Variants in FGF12 observed in about 807,000 individuals in gnomAD.
The protein encoded by FGF12 is fibroblast growth factor 12.
Under a neutral mutation model 23.6 loss-of-function variants are expected in FGF12, and 14 were observed. The ratio of observed to expected loss-of-function variants is 0.59; its 90% CI spans 0.39 to 0.93. FGF12 has a LOEUF of 0.93. Ranked by LOEUF, FGF12 falls within the 40% of genes least tolerant of loss-of-function variation. FGF12 has a pLI of 0.00. For synonymous variants in FGF12, 62 were observed against 77.3 expected (o/e 0.80, Z 1.04); for missense variants, 175 against 217.8 (o/e 0.80, Z 1.24).
rs572903871 is a variant in FGF12, at chr3:192,357,585, C to A, written c.124+2843G>T. On this transcript the variant is annotated intron_variant, in intron 3 of 5. Coordinates refer to ENST00000445105, the MANE Select transcript of FGF12 (RefSeq NM_004113.6). ...CGAGATTCCGTCTCAAAAAAAAAAACAAACAACTTTTCTACATATTGACGG... is the reference window on the plus strand; with the variant it reads ...CGAGATTCCGTCTCAAAAAAAAAAAAAAACAACTTTTCTACATATTGACGG... Among the ~76,000 whole-genome samples the A allele has an allele frequency of 8.6e-5, 13 of 150,530 alleles. No homozygotes were observed. In the South Asian group the frequency reaches 2.7e-3, roughly 32 times the overall value.
intron 2 of FGF12, among the ~76,000 whole-genome samples, chr3:192,451,878 A>G (rs775774152): frequency 2.6e-5 from 4 of 152,222 alleles, no homozygotes; most frequent in African/African-American, 4.8e-5. Flanking sequence ...TGCTATAAAC[A>G]TTCTTACATG....
At chr3:192,524,264 C>T (rs1201100778) in intron 2 of FGF12, among the ~76,000 whole-genome samples, 1 of 152,146 alleles carries the variant, frequency 6.6e-6, no homozygotes, top group African/African-American at 2.4e-5. Flanking sequence ...GGCATTTTTC[C>T]TTTCCCTGGA....
intron 2 of FGF12, among the ~76,000 whole-genome samples, chr3:192,614,220 G>A (rs1714662668): frequency 6.6e-6 from 1 of 151,318 alleles, no homozygotes; most frequent in Admixed American, 6.6e-5. Context: ...TTTTTCCTAA[G>A]GGTCAACATT....
intron 2 of FGF12, among the ~76,000 whole-genome samples, chr3:192,406,511 C>T (rs1720963473): frequency 6.6e-6 from 1 of 152,074 alleles, no homozygotes; most frequent in South Asian, 2.1e-4. Context: ...ATTTTATTTT[C>T]CACTAGGTGA....
At chr3:192,328,793 C>G (rs1056878462) in intron 4 of FGF12, among the ~76,000 whole-genome samples, 1 of 152,192 alleles carries the variant, frequency 6.6e-6, no homozygotes, top group Non-Finnish European at 1.5e-5. Context: ...TAAGAGCAAA[C>G]TATAACAAGA....
At chr3:192,236,338 T>A (rs1719297291) in intron 4 of FGF12, among the ~76,000 whole-genome samples, 2 of 152,166 alleles carry the variant, frequency 1.3e-5, no homozygotes, top group African/African-American at 4.8e-5. Context: ...CATTCTGTTG[T>A]TGTTAGATAC....
At chr3:192,577,620 T>C (rs1373404472) in intron 2 of FGF12, among the ~76,000 whole-genome samples, 1 of 152,234 alleles carries the variant, frequency 6.6e-6, no homozygotes, top group African/African-American at 2.4e-5. Context: ...TCACTAAAAT[T>C]TAGGAATCTT....
intron 5 of FGF12, among the ~76,000 whole-genome samples, chr3:192,154,852 C>T (rs1460717012): frequency 1.4e-5 from 2 of 144,148 alleles, no homozygotes; most frequent in African/African-American, 5.2e-5. Context: ...CCAGTTCGAG[C>T]TTCCCGGCTG....
At chr3:192,146,272 A>ATATTTTT (rs746233904) in intron 5 of FGF12, among the ~76,000 whole-genome samples, 151 of 143,276 alleles carry the variant, frequency 1.1e-3, no homozygotes, top group Middle Eastern at 7.6e-3. Context: ...TAAAGTGTAT[A>ATATTTTT]TTTTTTTTTT....
chr3:192,682,757 C>A (rs966287773), intron 2 of FGF12, among the ~76,000 whole-genome samples: 4 of 152,100 alleles, frequency 2.6e-5, no homozygotes, highest in African/African-American at 7.2e-5. Flanking sequence ...GCTAGTCCTG[C>A]CAGAAAGACC....
At chr3:192,483,403 C>T (rs987521599) in intron 2 of FGF12, among the ~76,000 whole-genome samples, 21 of 152,064 alleles carry the variant, frequency 1.4e-4, no homozygotes, top group South Asian at 1.0e-3. Context: ...AAAATGAAAA[C>T]GTATTATACA....
chr3:192,552,288 C>A (rs73887622), intron 2 of FGF12, among the ~76,000 whole-genome samples: 1 of 151,638 alleles, frequency 6.6e-6, no homozygotes, highest in South Asian at 2.1e-4. Context: ...GAAAATTCAA[C>A]TATTTGTGAA....
rs138073808 is a variant in FGF12 at position 192,461,577 on chromosome 3, T to C, written c.14-101039A>G. ...TATTTCTTAATTTAAAGAAATTTTA[T>C]GTTCTCATTCCTACAAGCTATATAA... On this transcript the variant is annotated intron_variant, in intron 2 of 5. Coordinates refer to ENST00000445105, the MANE Select transcript of FGF12 (RefSeq NM_004113.6). 1.6e-3 allele frequency among the ~76,000 whole-genome samples: 246 copies of C among 152,354 alleles called. 10 individuals carry two copies. In the East Asian group the frequency reaches 0.041, roughly 25 times the overall value.
chr3:192,598,163 G>A (rs973882976), intron 2 of FGF12, among the ~76,000 whole-genome samples: 4 of 152,182 alleles, frequency 2.6e-5, no homozygotes, highest in African/African-American at 9.7e-5. Context: ...AATTGCAGAT[G>A]TACTACAGTC....
intron 2 of FGF12, among the ~76,000 whole-genome samples, chr3:192,572,040 T>C (rs1320942691): frequency 6.6e-6 from 1 of 152,068 alleles, no homozygotes; most frequent in Non-Finnish European, 1.5e-5. Flanking sequence ...AATGGACAAT[T>C]TAGTGAACAA....
intron 2 of FGF12, among the ~76,000 whole-genome samples, chr3:192,457,878 GA>G (rs1355520113): frequency 1.3e-5 from 2 of 152,316 alleles, no homozygotes; most frequent in East Asian, 1.9e-4. Context: ...AGGCCAAGGA[GA>G]AAAAAGTGGT....
chr3:192,143,860 G>C lies in FGF12; in HGVS notation c.*149C>G, dbSNP rs1017099235. ...TTCAATTTTCTTGTCCTACACAAAG[G>C]AAGATTTTGAGTGCAGAATCTTAGC... On this transcript the variant is annotated 3_prime_UTR_variant, in exon 6 of 6. Transcript: ENST00000445105. 1.7e-6 allele frequency: 1 copy of C among 575,688 alleles called. No individual in the cohort carries two copies. Among genetic ancestry groups the C allele is most frequent in the African/African-American group, 1.9e-5 (1 of 52,368 alleles). 35.7% of individuals were successfully genotyped at this position (575,688 alleles called of 1,614,324 possible).
At chr3:192,397,186 T>C (rs1328547989) in intron 2 of FGF12, among the ~76,000 whole-genome samples, 1 of 152,178 alleles carries the variant, frequency 6.6e-6, no homozygotes, top group Admixed American at 6.5e-5. Flanking sequence ...ATAGAATGCC[T>C]GGGAAACCAG....
Position 192,537,950 on chromosome 3 carries a change from C to CTTTTTTTTTTT in FGF12, c.14-177423_14-177413dup, listed in dbSNP as rs370317111. Among the ~76,000 whole-genome samples, 19 of 121,372 alleles carry CTTTTTTTTTTT rather than the reference C, an allele frequency of 1.6e-4. 2 individuals carry two copies. The highest frequency in any genetic ancestry group is 2.5e-4 in the Non-Finnish European group (14 of 56,702). 79.6% of individuals were successfully genotyped at this position (121,372 alleles called of 152,430 possible). A position where few individuals can be genotyped will look rare whatever the true frequency, so the allele number is the denominator to read the frequency against. On this transcript the variant is annotated intron_variant, in intron 2 of 5. Transcript: ENST00000445105. ...AAGGTCTTAGATTTAAGCCTTTAAC[C>CTTTTTTTTTTT]TTTTTTTTTTTTTGAGATGGAGTTT...
Sources: gnomAD v4.1 joint callset for allele counts (sites outside exome capture counted in the v4.1 genomes callset) on GRCh38, gnomAD v4.1.1 for gene constraint, MANE v1.5 for transcripts, NCBI Gene and HGNC (gene_info 2026-07-23, HGNC 2026-07-21) for gene names.